OSBPL10: variants seen among roughly 807,000 people sequenced by gnomAD.
OSBPL10 encodes the protein oxysterol-binding protein-related protein 10.
In OSBPL10, 49 loss-of-function variants were observed where a neutral mutation model predicts 81.7. The ratio of observed to expected loss-of-function variants is 0.60; its 90% CI spans 0.48 to 0.76. OSBPL10 has a LOEUF of 0.76. OSBPL10 is among the 30% of genes least tolerant of loss of function. The pLI, the probability that OSBPL10 is intolerant of heterozygous loss-of-function variation, is 0.00. For missense variants in OSBPL10, 923 were observed against 987.8 expected (o/e 0.93, Z 0.88); for synonymous variants, 419 against 383.6 (o/e 1.09, Z -1.08).
intron 1 of OSBPL10, among the ~76,000 whole-genome samples, chr3:31,905,289 A>G (rs1251660813): frequency 6.0e-5 from 9 of 150,728 alleles, no homozygotes; most frequent in South Asian, 2.1e-4. Flanking sequence ...AAACTTGTCA[A>G]TATGTCAAAG....
At chr3:31,942,069 T>C (rs1264015670) in intron 1 of OSBPL10, among the ~76,000 whole-genome samples, 1 of 151,122 alleles carries the variant, frequency 6.6e-6, no homozygotes, top group Non-Finnish European at 1.5e-5. Flanking sequence ...GGTCAGGAGA[T>C]TGAGACCATC....
At chr3:32,036,329 T>C (rs1374162827) in intron 2 of OSBPL10, among the ~76,000 whole-genome samples, 1 of 152,188 alleles carries the variant, frequency 6.6e-6, no homozygotes, top group African/African-American at 2.4e-5. Flanking sequence ...ATTACAGACA[T>C]GAGCCATTGC....
intron 1 of OSBPL10, among the ~76,000 whole-genome samples, chr3:31,978,980 C>T (rs1407548839): frequency 1.3e-5 from 2 of 152,092 alleles, no homozygotes; most frequent in African/African-American, 4.8e-5. Context: ...AAATATTGTT[C>T]CCCAGCAAGT....
intron 10 of OSBPL10, among the ~76,000 whole-genome samples, chr3:31,665,143 G>A (rs942264026): frequency 6.6e-6 from 1 of 152,206 alleles, no homozygotes; most frequent in Non-Finnish European, 1.5e-5. Context: ...TTTGGCTTAT[G>A]TTTAACACAC....
chr3:31,803,692 G>T (rs1461908947), intron 4 of OSBPL10, among the ~76,000 whole-genome samples: 1 of 152,080 alleles, frequency 6.6e-6, no homozygotes, highest in Non-Finnish European at 1.5e-5. Context: ...TCTGGTCCAA[G>T]ATCCAAACCG....
chr3:31,740,545 TAAAGA>T (rs774866296), intron 5 of OSBPL10, among the ~76,000 whole-genome samples: 70 of 150,624 alleles, frequency 4.6e-4, no homozygotes, highest in Middle Eastern at 6.8e-3. Flanking sequence ...TCTTCATCAT[TAAAGA>T]AAAGATTCAA....
At chr3:31,911,566 T>G (rs1215579222) in intron 1 of OSBPL10, among the ~76,000 whole-genome samples, 1 of 151,718 alleles carries the variant, frequency 6.6e-6, no homozygotes, top group Non-Finnish European at 1.5e-5. Context: ...AGAATTGTCT[T>G]GGGCCACACA....
intron 2 of OSBPL10, among the ~76,000 whole-genome samples, chr3:32,012,862 G>A (rs1699274167): frequency 6.6e-6 from 1 of 152,116 alleles, no homozygotes; most frequent in African/African-American, 2.4e-5. Context: ...TTACATAATG[G>A]TAAAGGGATC....
In OSBPL10 at chr3:31,793,241, C is replaced by T. The variant is rs565002416; in HGVS notation, c.729+36799G>A. Among the ~76,000 whole-genome samples the T allele has an allele frequency of 2.8e-4, 42 of 152,290 alleles. 1 individual carries two copies. In the South Asian group the frequency reaches 8.3e-3, roughly 30 times the overall value. ...TGAACTCCCAGCCAGACTGGGAAAG[C>T]GCGCCTGTCATTTTCTTTCTGCCTA... On this transcript the variant is annotated intron_variant, in intron 4 of 11. Coordinates refer to ENST00000396556, the MANE Select transcript of OSBPL10 (RefSeq NM_017784.5).
At chr3:31,922,402 T>C (rs1226340334) in intron 1 of OSBPL10, among the ~76,000 whole-genome samples, 2 of 152,176 alleles carry the variant, frequency 1.3e-5, no homozygotes, top group African/African-American at 4.8e-5. Context: ...GCAGATCACC[T>C]GAGGTCAGGA....
At chr3:31,791,959 G>A (rs1699021183) in intron 4 of OSBPL10, among the ~76,000 whole-genome samples, 1 of 151,994 alleles carries the variant, frequency 6.6e-6, no homozygotes, top group Admixed American at 6.6e-5. Flanking sequence ...AAACGAGCAA[G>A]ACAAAGCTGG....
At chr3:31,708,607 G>T (rs1575490742) in intron 6 of OSBPL10, 2 of 567,454 alleles carry the variant, frequency 3.5e-6, no homozygotes, top group Non-Finnish European at 2.2e-6. Context: ...TGACTACCAA[G>T]TGCAAGGCAT....
chr3:31,724,508 T>C (rs1696747914), intron 6 of OSBPL10, among the ~76,000 whole-genome samples: 2 of 152,082 alleles, frequency 1.3e-5, no homozygotes, highest in Non-Finnish European at 2.9e-5. Flanking sequence ...AAAGGCATGA[T>C]TTCGGACCTT....
At chr3:31,761,382 G>A (rs1267472095) in intron 4 of OSBPL10, among the ~76,000 whole-genome samples, 1 of 149,706 alleles carries the variant, frequency 6.7e-6, no homozygotes, top group Non-Finnish European at 1.5e-5. Flanking sequence ...TGAGGCAGGA[G>A]AATTGCTTGA....
At chr3:31,693,578 G>T (rs1337103523) in intron 7 of OSBPL10, among the ~76,000 whole-genome samples, 3 of 152,158 alleles carry the variant, frequency 2.0e-5, no homozygotes, top group Non-Finnish European at 4.4e-5. Context: ...TATACCAGGG[G>T]TCAACAAACA....
intron 1 of OSBPL10, among the ~76,000 whole-genome samples, chr3:31,925,674 G>A (rs1225605093): frequency 1.3e-5 from 2 of 152,030 alleles, no homozygotes; most frequent in African/African-American, 4.8e-5. Context: ...TTAGCCAGGC[G>A]TGGTTGTGGG....
intron 6 of OSBPL10, among the ~76,000 whole-genome samples, chr3:31,722,910 T>C (rs1696692920): frequency 6.7e-6 from 1 of 148,602 alleles, no homozygotes; most frequent in Non-Finnish European, 1.5e-5. Context: ...ATTTCTTATA[T>C]TTTTTTTAAA....
rs1448666857 is a variant in OSBPL10 at position 32,038,057 on chromosome 3, G to A, written n.298+8434C>T. Among the ~76,000 whole-genome samples, 5 of 152,206 alleles carry A rather than the reference G, an allele frequency of 3.3e-5. No individual in the cohort carries two copies. The East Asian group carries it at 9.6e-4, about 29-fold the overall frequency. On this transcript the variant is annotated intron_variant and non_coding_transcript_variant, in intron 2 of 3. Coordinates refer to the OSBPL10 transcript ENST00000479173. ...GAAGTTGTACCAAGAGAGAGTTCCA[G>A]AGATCTGCAGTGTTCCCTCGAGCCT...
At chr3:31,812,717 A>AAGAAAAGAAAAG (rs1553628768) in intron 4 of OSBPL10, among the ~76,000 whole-genome samples, 1 of 53,490 alleles carries the variant, frequency 1.9e-5, no homozygotes, top group East Asian at 1.8e-3. Context: ...GTAGGCAAAA[A>AAGAAAAGAAAAG]AAAAGAAAGA....
Sources: allele counts gnomAD v4.1 joint callset (sites outside exome capture counted in the v4.1 genomes callset), GRCh38; gene constraint gnomAD v4.1.1; transcripts MANE v1.5; gene names NCBI Gene and HGNC (gene_info 2026-07-23, HGNC 2026-07-21).